The following GLE1 variants were observed in gnomAD, a reference collection of about 807,000 sequenced individuals.
GLE1 encodes mRNA export factor GLE1.
Under a neutral mutation model 97.3 loss-of-function variants are expected in GLE1, and 78 were observed. The observed-to-expected ratio is 0.80, with a 90% CI of 0.67 to 0.97. The LOEUF is 0.97. Among genes scored for constraint, GLE1 ranks in the 50% least tolerant of loss-of-function variants. The pLI is 0.00. For missense variants in GLE1, 753 were observed against 857.5 expected (o/e 0.88, Z 1.52); for synonymous variants, 302 against 313.4 (o/e 0.96, Z 0.39).
intron 3 of GLE1, among the ~76,000 whole-genome samples, chr9:128,518,155 T>TA (rs960917418): frequency 6.6e-6 from 1 of 151,786 alleles, no homozygotes; most frequent in Non-Finnish European, 1.5e-5. Flanking sequence ...GTGCCTGGCC[T>TA]ATTTTTTTTT....
intron 9 of GLE1, chr9:128,532,734 C>T (rs1448181226): frequency 1.1e-6 from 1 of 893,974 alleles, no homozygotes; most frequent in Middle Eastern, 5.6e-4. Flanking sequence ...GACACAGGGC[C>T]AGCTACCTCA....
intron 11 of GLE1, 130 bp downstream of exon 11, chr9:128,534,081 C>T (rs1284934238): frequency 5.3e-6 from 4 of 759,046 alleles, no homozygotes; most frequent in East Asian, 5.3e-5. Context: ...AATATAATGT[C>T]TTTCGGCCGG....
At chr9:128,535,551 TGGC>T (rs1297575490) in intron 11 of GLE1, among the ~76,000 whole-genome samples, 1 of 141,756 alleles carries the variant, frequency 7.1e-6, no homozygotes, top group Non-Finnish European at 1.5e-5. Context: ...CCAGGCGCGG[TGGC>T]TCACATTTGT....
Position 128,533,325 on chromosome 9 carries a change from G to A in GLE1, c.1313-188G>A, listed in dbSNP as rs560962279. Among the ~76,000 whole-genome samples, 263 of 149,194 alleles carry A rather than the reference G, an allele frequency of 1.8e-3. 1 individual carries two copies. The highest frequency in any genetic ancestry group is 6.0e-3 in the African/African-American group (243 of 40,552). Reference sequence around the variant, plus strand: ...GGGCGTCTGTGATCCCAGCTACTCAGGAGGCTGAGGCAGAGAATTGCTTCA... The same window carrying A: ...GGGCGTCTGTGATCCCAGCTACTCAAGAGGCTGAGGCAGAGAATTGCTTCA... On this transcript the variant is annotated intron_variant, in intron 9 of 15. Transcript: ENST00000309971.
intron 12 of GLE1, 101 bp from the exon 13 acceptor site, chr9:128,537,876 GCTGGATGAT>G (rs1439678206): frequency 1.1e-5 from 8 of 724,190 alleles, no homozygotes; most frequent in Non-Finnish European, 2.0e-5. Context: ...AGGTGCTAGG[GCTGGATGAT>G]CTGGGGTTCA....
chr9:128,522,615 G>A (rs1391384219), intron 3 of GLE1, 53 bp from the exon 4 acceptor site: 7 of 1,521,502 alleles, frequency 4.6e-6, no homozygotes, highest in African/African-American at 1.5e-5. Flanking sequence ...CCAGCCTGGC[G>A]ACAGAGAGAG....
chr9:128,539,892 A>G, intron 14 of GLE1, 194 bp downstream of exon 14: 1 of 1,471,666 alleles, frequency 6.8e-7, no homozygotes, highest in Non-Finnish European at 9.0e-7. Context: ...AGTCTGTCTT[A>G]AATATCATTG....
At position 128,538,024 on chromosome 9, in the gene GLE1, G is replaced by A; in HGVS notation, c.1815G>A (p.Leu605=). The A allele has an allele frequency of 1.2e-6, 2 of 1,612,776 alleles. No individual in the cohort carries two copies. The highest frequency in any genetic ancestry group is 1.7e-6 in the Non-Finnish European group (2 of 1,178,798). ...GCTTAAATCATGGATGGCGCTGGTT[G>A]GCACAGATCTTAAACATGGAGCCCT... The part of the protein sequence containing the change: ...PHGLNHGWRW[L]AQILNMEPLS... Residue 605 remains leucine, a synonymous_variant, in exon 13 of 16, where the codon TTG becomes TTA. Transcript: ENST00000309971.
At position 128,533,919 on chromosome 9, in the gene GLE1, C is replaced by A; in HGVS notation, c.1614C>A (p.Phe538Leu). 6.2e-7 allele frequency: 1 copy of A among 1,612,888 alleles called. No individual in the cohort carries two copies. Among genetic ancestry groups the A allele is most frequent in the Non-Finnish European group, 8.5e-7 (1 of 1,178,926 alleles). Residue 538 changes from phenylalanine (F) to leucine (L), a missense_variant, in exon 11 of 16, where the codon TTC becomes TTA. Phe to Leu is a conservative substitution (Grantham distance 22, BLOSUM62 0). Transcript: ENST00000309971. ...CPYSVPFYPT[F>L]KEGMALEDYQ... ...ACTCTGTTCCTTTCTATCCCACTTT[C>A]AAGGAGGGAATGGCTTTGGAAGACT...
intron 8 of GLE1, 79 bp from the exon 9 acceptor site, chr9:128,527,377 G>T: frequency 7.8e-7 from 1 of 1,279,154 alleles, no homozygotes; most frequent in Non-Finnish European, 1.1e-6. Context: ...AATGTAGCTG[G>T]CATGTCACTT....
In GLE1 at chr9:128,504,911, G is replaced by T. The variant is rs766640782; in HGVS notation, c.99+7G>T. On this transcript the variant is annotated splice_region_variant and intron_variant, in intron 1 of 15. Transcript: ENST00000309971. Reference sequence around the variant, plus strand: ...CTGGCTGCTGCGGCGCGAGGTGAGCGGTGGCCCCGGAGGACGTAGGCCTTT... The same window carrying T: ...CTGGCTGCTGCGGCGCGAGGTGAGCTGTGGCCCCGGAGGACGTAGGCCTTT... 1 of 1,590,458 alleles carries T rather than the reference G, an allele frequency of 6.3e-7. No individual in the cohort carries two copies. Among genetic ancestry groups the T allele is most frequent in the Non-Finnish European group, 8.6e-7 (1 of 1,158,710 alleles).
At chr9:128,539,049 A>G (rs1185755316) in intron 13 of GLE1, among the ~76,000 whole-genome samples, 1 of 152,076 alleles carries the variant, frequency 6.6e-6, no homozygotes, top group African/African-American at 2.4e-5. Context: ...AAGACCAGCC[A>G]GGGCAATATG....
intron 3 of GLE1, among the ~76,000 whole-genome samples, chr9:128,520,648 T>C (rs1025819413): frequency 5.9e-5 from 9 of 151,878 alleles, no homozygotes; most frequent in African/African-American, 2.2e-4. Flanking sequence ...GCTGGTAGAT[T>C]GGCTTTCTGC....
intron 6 of GLE1, 101 bp from the exon 7 acceptor site, chr9:128,525,091 C>A: frequency 1.2e-6 from 1 of 827,716 alleles, no homozygotes; most frequent in Non-Finnish European, 2.1e-6. Flanking sequence ...GTGGATACTC[C>A]ATTGGTGCAA....
chr9:128,504,769 G>C lies in GLE1; in HGVS notation c.-37G>C, dbSNP rs968806992. Reference sequence around the variant, plus strand: ...GCTGATTCGAGGGCTTGTTTGGTCAGAAGGGGGGCGTCAGAGAAGCTGCCC... The same window carrying C: ...GCTGATTCGAGGGCTTGTTTGGTCACAAGGGGGGCGTCAGAGAAGCTGCCC... On this transcript the variant is annotated 5_prime_UTR_variant, in exon 1 of 16. Transcript: ENST00000309971. 7.3e-7 allele frequency: 1 copy of C among 1,369,976 alleles called. No homozygotes were observed. The highest frequency in any genetic ancestry group is 1.4e-5 in the African/African-American group (1 of 70,196). The allele number at this position is 1,369,976 out of a possible 1,614,324, so 84.9% of individuals were successfully genotyped here. A position where few individuals can be genotyped will look rare whatever the true frequency, so the allele number is the denominator to read the frequency against.
intron 2 of GLE1, among the ~76,000 whole-genome samples, chr9:128,513,807 G>C (rs748101904): frequency 6.6e-6 from 1 of 151,622 alleles, no homozygotes; most frequent in Non-Finnish European, 1.5e-5. Context: ...ACGAGGTCAA[G>C]AGATCAAGAC....
intron 1 of GLE1, among the ~76,000 whole-genome samples, chr9:128,507,601 A>AG (rs1412318331): frequency 6.7e-6 from 1 of 150,048 alleles, no homozygotes; most frequent in Non-Finnish European, 1.5e-5. Flanking sequence ...AAAAAAAAAA[A>AG]AAATAGTCGG....
intron 14 of GLE1, chr9:128,539,930 G>A (rs1158833215): frequency 1.7e-6 from 2 of 1,210,458 alleles, no homozygotes; most frequent in African/African-American, 1.5e-5. Flanking sequence ...ATTAGGGGCT[G>A]AGCACAGTGG....
At chr9:128,514,147 G>C (rs1226771540) in intron 2 of GLE1, among the ~76,000 whole-genome samples, 1 of 151,826 alleles carries the variant, frequency 6.6e-6, no homozygotes. Flanking sequence ...GGACCAGCCT[G>C]GGCAACATGA....
Sources: gnomAD v4.1 joint callset for allele counts (sites outside exome capture counted in the v4.1 genomes callset) on GRCh38, gnomAD v4.1.1 for gene constraint, MANE v1.5 for transcripts, NCBI Gene and HGNC (gene_info 2026-07-23, HGNC 2026-07-21) for gene names.